The following ARSB variants were observed in gnomAD, a reference collection of about 807,000 sequenced individuals.
ARSB encodes arylsulfatase B.
In ARSB, 41 loss-of-function variants were observed where a neutral mutation model predicts 50.9. The ratio of observed to expected loss-of-function variants is 0.81; its 90% CI spans 0.63 to 1.04. The LOEUF (loss-of-function observed/expected upper bound fraction) is 1.04. ARSB is among the 50% of genes least tolerant of loss of function. The pLI is 0.00. For missense variants in ARSB, 672 were observed against 693.3 expected (o/e 0.97, Z 0.35); for synonymous variants, 269 against 284.8 (o/e 0.94, Z 0.56).
In ARSB at chr5:78,779,049, T is replaced by G. The variant is rs1748849445; in HGVS notation, c.*1348A>C. 6.6e-6 allele frequency: 1 copy of G among 152,014 alleles called. No individual in the cohort carries two copies. Among genetic ancestry groups the G allele is most frequent in the African/African-American group, 2.4e-5 (1 of 41,376 alleles). 9.4% of individuals were successfully genotyped at this position (152,014 alleles called of 1,614,324 possible). Reference sequence around the variant, plus strand: ...TAAAAAATTAAAAATAAAATAAAAATTAAAAAATGAGTGCCTTCAGGCAGT... The same window carrying G: ...TAAAAAATTAAAAATAAAATAAAAAGTAAAAAATGAGTGCCTTCAGGCAGT... On this transcript the variant is annotated 3_prime_UTR_variant, in exon 8 of 8. Transcript: ENST00000264914.
At chr5:78,801,896 C>T (rs550899877) in intron 6 of ARSB, among the ~76,000 whole-genome samples, 3 of 152,054 alleles carry the variant, frequency 2.0e-5, no homozygotes, top group Non-Finnish European at 4.4e-5. Context: ...CTAGTTTGCA[C>T]TTCTGCAAAT....
chr5:78,871,448 G>A (rs1747168330), intron 5 of ARSB, among the ~76,000 whole-genome samples: 1 of 151,038 alleles, frequency 6.6e-6, no homozygotes, highest in Non-Finnish European at 1.5e-5. Flanking sequence ...AAACAGCATG[G>A]TACTGGTACC....
At chr5:78,855,072 C>T (rs1014129522) in intron 5 of ARSB, among the ~76,000 whole-genome samples, 5 of 152,122 alleles carry the variant, frequency 3.3e-5, no homozygotes, top group African/African-American at 9.7e-5. Flanking sequence ...AGTACAGCCC[C>T]AGGAAGGAAG....
At chr5:78,969,460 C>T (rs1361394143) in intron 1 of ARSB, among the ~76,000 whole-genome samples, 1 of 147,156 alleles carries the variant, frequency 6.8e-6, no homozygotes, top group East Asian at 2.0e-4. Context: ...AAACCATTAA[C>T]TTGTTACTTT....
intron 5 of ARSB, among the ~76,000 whole-genome samples, chr5:78,854,140 C>T (rs150836915): frequency 0.14 from 20,814 of 152,260 alleles, 1,496 homozygotes; most frequent in Middle Eastern, 0.19. Context: ...AGAAATCACC[C>T]GTCTTCTGTG....
chr5:78,870,921 G>A (rs973297811), intron 5 of ARSB, among the ~76,000 whole-genome samples: 196 of 152,258 alleles, frequency 1.3e-3, no homozygotes, highest in African/African-American at 4.5e-3. Context: ...AAACCCCATT[G>A]TCTCAGCCCC....
intron 4 of ARSB, among the ~76,000 whole-genome samples, chr5:78,938,693 C>A (rs114482407): frequency 0.023 from 3,497 of 152,238 alleles, 135 homozygotes; most frequent in African/African-American, 0.078. Flanking sequence ...TCTTTGCCAA[C>A]TACCAGTTTT....
chr5:78,786,491 T>C (rs748927781), intron 6 of ARSB, among the ~76,000 whole-genome samples: 33 of 152,232 alleles, frequency 2.2e-4, no homozygotes, highest in Admixed American at 2.0e-3. Flanking sequence ...TCAGTGTGGA[T>C]GTACATCTTC....
At chr5:78,833,408 A>T (rs959102498) in intron 6 of ARSB, among the ~76,000 whole-genome samples, 1 of 152,242 alleles carries the variant, frequency 6.6e-6, no homozygotes, top group Non-Finnish European at 1.5e-5. Flanking sequence ...AACAAAGGAA[A>T]AGAGAAGGGT....
chr5:78,984,467 C>A (rs1011777989), intron 1 of ARSB, among the ~76,000 whole-genome samples: 1 of 152,168 alleles, frequency 6.6e-6, no homozygotes, highest in Non-Finnish European at 1.5e-5. Flanking sequence ...AAAAAATAAT[C>A]TTTGGTGGGA....
intron 1 of ARSB, among the ~76,000 whole-genome samples, chr5:78,969,462 TGTTAC>T (rs1213459019): frequency 1.4e-5 from 2 of 145,486 alleles, no homozygotes; most frequent in Non-Finnish European, 3.1e-5. Context: ...ACCATTAACT[TGTTAC>T]TTTTTGCCTC....
intron 6 of ARSB, among the ~76,000 whole-genome samples, chr5:78,812,514 C>T (rs1056316769): frequency 6.6e-6 from 1 of 151,224 alleles, no homozygotes; most frequent in Non-Finnish European, 1.5e-5. Context: ...AAGATAAATG[C>T]TAATACGATT....
At chr5:78,913,323 A>G (rs1405799461) in intron 4 of ARSB, among the ~76,000 whole-genome samples, 1 of 151,748 alleles carries the variant, frequency 6.6e-6, no homozygotes, top group Admixed American at 6.6e-5. Flanking sequence ...ACGGGGTTTC[A>G]CCGTGTTAGC....
Position 78,866,959 on chromosome 5 carries a change from G to A in ARSB, c.1142+18625C>T, listed in dbSNP as rs182131897. The stretch of plus-strand genomic sequence containing the variant: ...ACAGTGGGCGCAGGCCAGTGGGTGC[G>A]CACACCGTGCGCGAGCCAAAGCAGG... On this transcript the variant is annotated intron_variant, in intron 5 of 7. Transcript: ENST00000264914. 3.3e-4 allele frequency among the ~76,000 whole-genome samples: 51 copies of A among 152,318 alleles called. 1 individual carries two copies. Among genetic ancestry groups the A allele is most frequent in the African/African-American group, 1.2e-3 (48 of 41,576 alleles).
At chr5:78,952,976 T>C (rs1394555846) in intron 4 of ARSB, among the ~76,000 whole-genome samples, 3 of 152,214 alleles carry the variant, frequency 2.0e-5, no homozygotes, top group Admixed American at 6.5e-5. Context: ...AAACCAGCAC[T>C]GATCAAAATG....
intron 1 of ARSB, among the ~76,000 whole-genome samples, chr5:78,971,057 C>T (rs896164206): frequency 2.6e-5 from 4 of 152,254 alleles, no homozygotes; most frequent in East Asian, 3.9e-4. Context: ...TGGAGAAATC[C>T]GGGGTAAGAG....
intron 5 of ARSB, among the ~76,000 whole-genome samples, chr5:78,848,157 T>C (rs1356702615): frequency 2.0e-5 from 3 of 151,056 alleles, no homozygotes; most frequent in Admixed American, 2.0e-4. Flanking sequence ...CATGCTGTTG[T>C]GCTGCACCCA....
intron 6 of ARSB, among the ~76,000 whole-genome samples, chr5:78,797,497 C>T (rs932445461): frequency 4.6e-5 from 7 of 152,188 alleles, no homozygotes; most frequent in African/African-American, 9.6e-5. Flanking sequence ...ATCATTCCTT[C>T]GATGGTGCTC....
At chr5:78,798,887 CCAAACCCAGGCATGTTACA>C (rs1743274623) in intron 6 of ARSB, among the ~76,000 whole-genome samples, 1 of 152,158 alleles carries the variant, frequency 6.6e-6, no homozygotes, top group Non-Finnish European at 1.5e-5. Context: ...TGTCCATGGC[CCAAACCCAGGCATGTTACA>C]CAAACCCTGT....
Sources: gnomAD v4.1 joint callset for allele counts (sites outside exome capture counted in the v4.1 genomes callset) on GRCh38, gnomAD v4.1.1 for gene constraint, MANE v1.5 for transcripts, NCBI Gene and HGNC (gene_info 2026-07-23, HGNC 2026-07-21) for gene names.